PRR16: variants seen among roughly 807,000 people sequenced by gnomAD.
PRR16 encodes proline rich 16.
Under a neutral mutation model 18.2 loss-of-function variants are expected in PRR16, and 6 were observed. The ratio of observed to expected loss-of-function variants is 0.33; its 90% CI spans 0.18 to 0.65. The LOEUF is 0.65. PRR16 is among the 30% of genes least tolerant of loss of function. The pLI is 0.74. For missense variants in PRR16, 412 were observed against 376.6 expected, an observed-to-expected ratio of 1.09 and a Z score of -0.78; for synonymous variants, 151 against 147.8, an observed-to-expected ratio of 1.02 and a Z score of -0.16.
At chr5:120,591,389 T>A (rs1354405288) in intron 1 of PRR16, among the ~76,000 whole-genome samples, 1 of 152,094 alleles carries the variant, frequency 6.6e-6, no homozygotes, top group Non-Finnish European at 1.5e-5. Context: ...ATATTCCATA[T>A]ATCCCTCTTT....
the PRR16 span, among the ~76,000 whole-genome samples, chr5:120,693,402 AC>A: frequency 6.6e-6 from 1 of 152,152 alleles, no homozygotes; most frequent in Non-Finnish European, 1.5e-5. Context: ...AATAACATAA[AC>A]CCCAGATGAA....
At chr5:120,589,598 A>C (rs1451558110) in intron 1 of PRR16, among the ~76,000 whole-genome samples, 1 of 152,102 alleles carries the variant, frequency 6.6e-6, no homozygotes, top group Non-Finnish European at 1.5e-5. Flanking sequence ...GGGAGGCCTC[A>C]GAACCATGGC....
At chr5:120,571,565 A>ATATACTCTGG (rs1752908090) in intron 1 of PRR16, among the ~76,000 whole-genome samples, 1 of 152,104 alleles carries the variant, frequency 6.6e-6, no homozygotes. Flanking sequence ...TATATTTTTA[A>ATATACTCTGG]AGGGTTACTC....
chr5:120,715,391 T>A, the PRR16 span, among the ~76,000 whole-genome samples: 2 of 152,186 alleles, frequency 1.3e-5, no homozygotes, highest in African/African-American at 2.4e-5. Context: ...ATGAAAACTA[T>A]ATAAACACAC....
chr5:120,623,939 A>G (rs1042676157), intron 1 of PRR16, among the ~76,000 whole-genome samples: 3 of 152,014 alleles, frequency 2.0e-5, no homozygotes, highest in Admixed American at 1.3e-4. Flanking sequence ...TATAACAACT[A>G]TTAATGTAGA....
chr5:120,708,668 A>T, the PRR16 span, among the ~76,000 whole-genome samples: 1 of 152,176 alleles, frequency 6.6e-6, no homozygotes, highest in African/African-American at 2.4e-5. Context: ...TTAAAGAAAG[A>T]TATTTGTGGA....
At chr5:120,491,376 A>G (rs1750032882) in intron 1 of PRR16, among the ~76,000 whole-genome samples, 1 of 152,056 alleles carries the variant, frequency 6.6e-6, no homozygotes, top group African/African-American at 2.4e-5. Flanking sequence ...CCCTTCTTGT[A>G]CATTCTATAT....
chr5:120,776,331 A>G, the PRR16 span, among the ~76,000 whole-genome samples: 3 of 152,172 alleles, frequency 2.0e-5, no homozygotes, highest in East Asian at 5.8e-4. Context: ...ACATCTTTTC[A>G]TCTTTGGTTT....
the PRR16 span, among the ~76,000 whole-genome samples, chr5:120,761,293 C>CTGAT: frequency 6.6e-6 from 1 of 151,994 alleles, no homozygotes; most frequent in Non-Finnish European, 1.5e-5. Flanking sequence ...CTGAACTTTG[C>CTGAT]TGATTACATC....
At position 120,481,719 on chromosome 5, in the gene PRR16, G is replaced by A. The variant is rs75525881; in HGVS notation, c.159+17074G>A. ...TTTTCTAACAAAAATGGTGTTTCAT[G>A]TACTGTGTCGTAAAAACAGAATTTG... On this transcript the variant is annotated intron_variant, in intron 1 of 1. Transcript: ENST00000407149. Among the ~76,000 whole-genome samples, 47 of 152,234 alleles carry A rather than the reference G, an allele frequency of 3.1e-4. No homozygotes were observed. The East Asian group carries it at 8.9e-3, about 29-fold the overall frequency.
At chr5:120,540,460 C>G (rs755755077) in intron 1 of PRR16, among the ~76,000 whole-genome samples, 55 of 152,322 alleles carry the variant, frequency 3.6e-4, no homozygotes, top group Non-Finnish European at 5.6e-4. Flanking sequence ...CCGGGCCTCT[C>G]TTAACCAGGT....
chr5:120,601,843 T>C (rs1349997228), intron 1 of PRR16, among the ~76,000 whole-genome samples: 1 of 152,220 alleles, frequency 6.6e-6, no homozygotes, highest in African/African-American at 2.4e-5. Flanking sequence ...TTGCTTGTTG[T>C]TGTCACCTTT....
chr5:120,508,778 T>G (rs1750727797), intron 1 of PRR16, among the ~76,000 whole-genome samples: 2 of 152,144 alleles, frequency 1.3e-5, no homozygotes, highest in South Asian at 2.1e-4. Flanking sequence ...AGCATTAGTT[T>G]AAGGACAATA....
chr5:120,522,765 G>T (rs987946794), intron 1 of PRR16, among the ~76,000 whole-genome samples: 1 of 148,930 alleles, frequency 6.7e-6, no homozygotes, highest in South Asian at 2.1e-4. Flanking sequence ...GCCACCATGC[G>T]TGGCTATTTT....
At chr5:120,509,640 G>A (rs946097243) in intron 1 of PRR16, among the ~76,000 whole-genome samples, 4 of 152,050 alleles carry the variant, frequency 2.6e-5, no homozygotes, top group Non-Finnish European at 5.9e-5. Flanking sequence ...ATAAATTTTA[G>A]CCTATCGACT....
At chr5:120,697,451 C>T in the PRR16 span, among the ~76,000 whole-genome samples, 3 of 152,194 alleles carry the variant, frequency 2.0e-5, no homozygotes, top group East Asian at 1.9e-4. Flanking sequence ...TAAACCTGTC[C>T]ACTTACTGGA....
At chr5:120,675,566 A>G (rs538258376) in intron 1 of PRR16, among the ~76,000 whole-genome samples, 1 of 152,274 alleles carries the variant, frequency 6.6e-6, no homozygotes, top group Admixed American at 6.5e-5. Context: ...CTGTATATTT[A>G]TAAAATATCT....
the PRR16 span, among the ~76,000 whole-genome samples, chr5:120,774,748 T>C: frequency 3.9e-5 from 6 of 152,282 alleles, no homozygotes; most frequent in East Asian, 5.8e-4. Flanking sequence ...CTCTAAACTC[T>C]AAACCAAGGG....
intron 1 of PRR16, among the ~76,000 whole-genome samples, chr5:120,650,519 C>G (rs1755744254): frequency 2.0e-5 from 3 of 148,882 alleles, no homozygotes; most frequent in African/African-American, 7.5e-5. Flanking sequence ...TGATGTTCCC[C>G]TTCCTGTGTC....
Sources: allele counts gnomAD v4.1 joint callset (sites outside exome capture counted in the v4.1 genomes callset), GRCh38; gene constraint gnomAD v4.1.1; transcripts MANE v1.5; gene names NCBI Gene and HGNC (gene_info 2026-07-23, HGNC 2026-07-21).